PTPRT: variants seen among roughly 807,000 people sequenced by gnomAD.
PTPRT encodes the protein protein tyrosine phosphatase receptor type T, also known as receptor-type tyrosine-protein phosphatase T.
Under a neutral mutation model 176.8 loss-of-function variants are expected in PTPRT, and 56 were observed. That is an observed-to-expected ratio of 0.32 (90% CI 0.26 to 0.40). PTPRT has a LOEUF of 0.40. Ranked by LOEUF, PTPRT falls within the 10% of genes least tolerant of loss-of-function variation. The pLI is 1.00. For synonymous variants in PTPRT, 783 were observed against 739.0 expected, an observed-to-expected ratio of 1.06 and a Z score of -0.96; for missense variants, 1,540 against 1,908.2, an observed-to-expected ratio of 0.81 and a Z score of 3.60.
intron 27 of PTPRT, among the ~76,000 whole-genome samples, chr20:42,094,288 G>A (rs1334356102): frequency 6.6e-6 from 1 of 152,168 alleles, no homozygotes; most frequent in African/African-American, 2.4e-5. Flanking sequence ...GCGTAGGGTG[G>A]TGATGCCTTC....
chr20:42,468,239 C>A (rs886123459), intron 8 of PTPRT, among the ~76,000 whole-genome samples: 1 of 152,180 alleles, frequency 6.6e-6, no homozygotes, highest in Non-Finnish European at 1.5e-5. Flanking sequence ...AGCCATTCAG[C>A]CAACTCAATC....
intron 1 of PTPRT, among the ~76,000 whole-genome samples, chr20:43,033,720 A>G (rs113158884): frequency 4.3e-4 from 66 of 152,366 alleles, no homozygotes; most frequent in African/African-American, 1.5e-3. Context: ...GGAGCTCAGC[A>G]GATGAAGCAC....
At chr20:42,683,323 G>A (rs996192582) in intron 6 of PTPRT, among the ~76,000 whole-genome samples, 6 of 131,938 alleles carry the variant, frequency 4.5e-5, no homozygotes, top group Non-Finnish European at 1.7e-5. Flanking sequence ...TGTCACCCAG[G>A]CTGGAGTGCA....
intron 2 of PTPRT, among the ~76,000 whole-genome samples, chr20:42,860,650 TTTATA>T (rs1467942660): frequency 4.6e-5 from 7 of 152,176 alleles, no homozygotes; most frequent in African/African-American, 1.7e-4. Flanking sequence ...AATGAATCCT[TTTATA>T]TTATGTTTCC....
At chr20:43,128,430 C>T (rs563627494) in intron 1 of PTPRT, among the ~76,000 whole-genome samples, 15 of 152,338 alleles carry the variant, frequency 9.8e-5, no homozygotes, top group Admixed American at 5.9e-4. Context: ...CAAGTCCCTA[C>T]GACAAATAAG....
chr20:42,547,374 T>C (rs2072693923), intron 7 of PTPRT, among the ~76,000 whole-genome samples: 1 of 152,024 alleles, frequency 6.6e-6, no homozygotes, highest in Non-Finnish European at 1.5e-5. Flanking sequence ...TTTCTATATG[T>C]ATATGTGATA....
At chr20:42,431,805 T>A (rs2059217703) in intron 9 of PTPRT, among the ~76,000 whole-genome samples, 1 of 152,208 alleles carries the variant, frequency 6.6e-6, no homozygotes, top group East Asian at 1.9e-4. Flanking sequence ...CCTTCAGTCA[T>A]GAAGACTCTC....
At chr20:42,943,387 C>A (rs1980686826) in intron 1 of PTPRT, among the ~76,000 whole-genome samples, 2 of 152,298 alleles carry the variant, frequency 1.3e-5, no homozygotes, top group African/African-American at 4.8e-5. Flanking sequence ...GCCTTCGGGT[C>A]AGAAGCTTGT....
At chr20:42,354,603 A>G (rs554622900) in intron 9 of PTPRT, among the ~76,000 whole-genome samples, 293 of 152,166 alleles carry the variant, frequency 1.9e-3, no homozygotes, top group Non-Finnish European at 3.4e-3. Flanking sequence ...GCTGCTGGAG[A>G]GGTGCCCAAC....
chr20:42,255,261 A>C (rs1411355295), intron 13 of PTPRT, among the ~76,000 whole-genome samples: 1 of 152,230 alleles, frequency 6.6e-6, no homozygotes, highest in African/African-American at 2.4e-5. Flanking sequence ...TGTTAACCGC[A>C]ATGTGATTTG....
chr20:42,834,763 TA>T (rs1038265241), intron 2 of PTPRT, among the ~76,000 whole-genome samples: 9 of 152,150 alleles, frequency 5.9e-5, no homozygotes, highest in African/African-American at 1.9e-4. Context: ...TGTACTAGAG[TA>T]ATGGATATAT....
intron 1 of PTPRT, among the ~76,000 whole-genome samples, chr20:43,089,093 C>T (rs1169201284): frequency 1.3e-5 from 2 of 152,058 alleles, no homozygotes; most frequent in African/African-American, 4.8e-5. Context: ...GGCCAAATAC[C>T]ACAGAATATG....
At position 42,422,825 on chromosome 20, in the gene PTPRT, A is replaced by C. The variant is rs1169450951; in HGVS notation, c.1560+25395T>G. On this transcript the variant is annotated intron_variant, in intron 9 of 30. Transcript: ENST00000373187. ...CCCATCAATGATAGGCTGGATAAAG[A>C]AAATGTGATACATATACACCATGGA... is the stretch of plus-strand genomic sequence containing the variant. 2.0e-5 allele frequency among the ~76,000 whole-genome samples: 3 copies of C among 152,248 alleles called. No individual in the cohort carries two copies. The East Asian group carries it at 5.8e-4, about 29-fold the overall frequency.
At chr20:43,095,239 A>G (rs2012081271) in intron 1 of PTPRT, among the ~76,000 whole-genome samples, 1 of 152,134 alleles carries the variant, frequency 6.6e-6, no homozygotes, top group African/African-American at 2.4e-5. Flanking sequence ...CCTCTCATCA[A>G]GCAGTTTCAC....
chr20:42,232,280 C>A (rs1029914547), intron 15 of PTPRT, among the ~76,000 whole-genome samples: 2 of 152,214 alleles, frequency 1.3e-5, no homozygotes, highest in Non-Finnish European at 2.9e-5. Flanking sequence ...GACCAGGTGG[C>A]CCCTGATACC....
chr20:42,510,400 C>T (rs1163290674), intron 7 of PTPRT, among the ~76,000 whole-genome samples: 1 of 151,930 alleles, frequency 6.6e-6, no homozygotes, highest in South Asian at 2.1e-4. Context: ...TGGAACTTTG[C>T]TTGGGTTATA....
rs536659818 is a variant in PTPRT at position 42,466,492 on chromosome 20, G to A, written c.1450+5774C>T. On this transcript the variant is annotated intron_variant, in intron 8 of 30. Coordinates refer to ENST00000373187, the MANE Select transcript of PTPRT (RefSeq NM_007050.6). ...CCCTCAGTGGTATACAGCCTAAGGA[G>A]ATAAAAACTGAAATCTTTAACCTAA... Among the ~76,000 whole-genome samples the A allele has an allele frequency of 2.8e-4, 42 of 152,260 alleles. 1 individual carries two copies. The highest frequency in any genetic ancestry group is 1.0e-3 in the African/African-American group (42 of 41,550).
chr20:43,083,860 T>A (rs1405707689), intron 1 of PTPRT, among the ~76,000 whole-genome samples: 4 of 152,156 alleles, frequency 2.6e-5, no homozygotes. Flanking sequence ...GGATTCACCT[T>A]TTCTGGAAAT....
intron 23 of PTPRT, 41 bp from the exon 24 acceptor site, chr20:42,106,962 G>A (rs762080446): frequency 5.6e-6 from 9 of 1,602,130 alleles, no homozygotes; most frequent in African/African-American, 5.3e-5. Flanking sequence ...TCTTCATGGG[G>A]GGAACCTGCC....
Sources: gnomAD v4.1 joint callset for allele counts (sites outside exome capture counted in the v4.1 genomes callset) on GRCh38, gnomAD v4.1.1 for gene constraint, MANE v1.5 for transcripts, NCBI Gene and HGNC (gene_info 2026-07-23, HGNC 2026-07-21) for gene names.